Variants in PLCG2 observed in about 807,000 individuals in gnomAD.
PLCG2 encodes the protein 1-phosphatidylinositol 4,5-bisphosphate phosphodiesterase gamma-2.
A neutral mutation model predicts 175.6 loss-of-function variants in PLCG2; 69 were observed. The observed-to-expected ratio is 0.39, with a 90% confidence interval of 0.32 to 0.48. The LOEUF is 0.48. Among genes scored for constraint, PLCG2 ranks in the 20% least tolerant of loss-of-function variants. The probability of loss-of-function intolerance (pLI) is 0.91; values close to 1 mark genes in which losing one functional copy is unlikely to be tolerated. For synonymous variants in PLCG2, 827 were observed against 624.0 expected (o/e 1.33, Z -4.85); for missense variants, 1,798 against 1,650.9 (o/e 1.09, Z -1.54).
Position 81,740,846 on chromosome 16 carries a change from A to T in PLCG2, c.-145+1461A>T, listed in dbSNP as rs78456071. 3.3e-5 allele frequency among the ~76,000 whole-genome samples: 5 copies of T among 151,420 alleles called. No individual in the cohort carries two copies. In the East Asian group the frequency reaches 9.7e-4, roughly 29 times the overall value. ...GGGCTGTGGTCAGCATCCCTAGCAC[A>T]TGGGGCTTAAAAAGAATGAAACCAA... On this transcript the variant is annotated intron_variant, in intron 1 of 5. Transcript: ENST00000565054.
chr16:81,768,907 C>A (rs1270763522), intron 2 of PLCG2, among the ~76,000 whole-genome samples: 1 of 152,028 alleles, frequency 6.6e-6, no homozygotes, highest in African/African-American at 2.4e-5. Context: ...TTAATAGGTG[C>A]GTATTTTTTG....
rs200808320 is a variant in PLCG2, at chr16:81,913,816, GC to G, written c.2054+1105del. 4.4e-3 allele frequency among the ~76,000 whole-genome samples: 676 copies of G among 152,278 alleles called. 9 individuals are homozygous for G. The highest frequency in any genetic ancestry group is 0.039 in the Admixed American group (601 of 15,292). On this transcript the variant is annotated intron_variant, in intron 19 of 32. Coordinates refer to ENST00000564138, the MANE Select transcript of PLCG2 (RefSeq NM_002661.5). ...CATCCCCTGGTGACCCTGCCAGGCTGCCCCCTGGGCGTTTGGATTTCCCTTC... is the reference window on the plus strand; with the variant it reads ...CATCCCCTGGTGACCCTGCCAGGCTGCCCCTGGGCGTTTGGATTTCCCTTC...
chr16:81,779,106 C>G (rs2143140678), upstream of PLCG2, among the ~76,000 whole-genome samples: 1 of 152,330 alleles, frequency 6.6e-6, no homozygotes, highest in East Asian at 1.9e-4. Flanking sequence ...TTCTTTGGCA[C>G]GCAGAGGCGG....
intron 2 of PLCG2, among the ~76,000 whole-genome samples, chr16:81,816,638 C>T (rs951275032): frequency 7.1e-6 from 1 of 140,220 alleles, no homozygotes; most frequent in Non-Finnish European, 1.5e-5. Flanking sequence ...ACCACCATGC[C>T]CAGCTAATTT....
chr16:81,892,640 G>C (rs117081674), intron 11 of PLCG2, among the ~76,000 whole-genome samples: 4,218 of 145,192 alleles, frequency 0.029, 72 homozygotes, highest in Non-Finnish European at 0.045. Context: ...AGACAGTTAA[G>C]AAATACAAAC....
intron 31 of PLCG2, among the ~76,000 whole-genome samples, chr16:81,946,754 C>G (rs1911165923): frequency 6.6e-6 from 1 of 152,142 alleles, no homozygotes; most frequent in African/African-American, 2.4e-5. Context: ...GTACCTTTTT[C>G]CTCCTTTACG....
chr16:81,904,120 A>C (rs1329392694), intron 14 of PLCG2, among the ~76,000 whole-genome samples: 2 of 152,204 alleles, frequency 1.3e-5, no homozygotes, highest in African/African-American at 4.8e-5. Flanking sequence ...TTCAAGGCCA[A>C]GGTGGTCTGC....
At chr16:81,763,374 G>C (rs1910079591) in intron 2 of PLCG2, among the ~76,000 whole-genome samples, 1 of 152,260 alleles carries the variant, frequency 6.6e-6, no homozygotes, top group Non-Finnish European at 1.5e-5. Flanking sequence ...GGGTATTTGG[G>C]AGTGGCTGGG....
In PLCG2 at chr16:81,832,105, A is replaced by T. The variant is rs34826185; in HGVS notation, c.194-22339A>T. 4.7e-4 allele frequency among the ~76,000 whole-genome samples: 36 copies of T among 76,632 alleles called. No individual in the cohort carries two copies. The South Asian group carries it at 0.01, about 22-fold the overall frequency. 50.3% of individuals were successfully genotyped at this position (76,632 alleles called of 152,430 possible). On this transcript the variant is annotated intron_variant, in intron 2 of 32. Coordinates refer to ENST00000564138, the MANE Select transcript of PLCG2 (RefSeq NM_002661.5). ...CTCAGTCTTCTCCTTTGATAAATGG[A>T]GGGGGGGAATAGTGATATTGTGGCG...
intron 3 of PLCG2, chr16:81,857,890 G>T: frequency 5.1e-6 from 1 of 196,384 alleles, no homozygotes; most frequent in Non-Finnish European, 1.1e-5. Flanking sequence ...TTCCCTTGTG[G>T]GATCAATATA....
intron 13 of PLCG2, among the ~76,000 whole-genome samples, chr16:81,897,008 G>T (rs1399518741): frequency 6.6e-6 from 1 of 152,226 alleles, no homozygotes; most frequent in Non-Finnish European, 1.5e-5. Context: ...AATGTTTCAG[G>T]CTTTATGGGC....
intron 2 of PLCG2, among the ~76,000 whole-genome samples, chr16:81,790,980 T>C (rs1259455576): frequency 1.3e-5 from 2 of 152,210 alleles, no homozygotes; most frequent in Non-Finnish European, 2.9e-5. Context: ...TCTAGAGTCA[T>C]GTGTTTGCTT....
At chr16:81,831,544 C>T (rs146442518) in intron 2 of PLCG2, among the ~76,000 whole-genome samples, 1 of 152,188 alleles carries the variant, frequency 6.6e-6, no homozygotes, top group African/African-American at 2.4e-5. Context: ...AGTATTTGAA[C>T]CTCATCCAAC....
intron 5 of PLCG2, among the ~76,000 whole-genome samples, chr16:81,860,751 G>T (rs1906939119): frequency 2.0e-5 from 3 of 152,082 alleles, no homozygotes; most frequent in Admixed American, 6.6e-5. Flanking sequence ...CAGGCAGATT[G>T]CCTGAGCTCA....
chr16:81,893,448 G>A (rs1177563420), intron 11 of PLCG2, among the ~76,000 whole-genome samples: 1 of 152,136 alleles, frequency 6.6e-6, no homozygotes, highest in African/African-American at 2.4e-5. Flanking sequence ...AAAAGAACAC[G>A]TCCTCTCCAC....
chr16:81,898,417 T>C (rs1013961038), intron 13 of PLCG2: 1 of 152,510 alleles, frequency 6.6e-6, no homozygotes, highest in Non-Finnish European at 1.5e-5. Context: ...TTTTTAGCTG[T>C]TATGTTCTAG....
At chr16:81,917,274 G>T (rs919675924) in intron 19 of PLCG2, among the ~76,000 whole-genome samples, 17 of 137,794 alleles carry the variant, frequency 1.2e-4, no homozygotes, top group Non-Finnish European at 2.0e-4. Flanking sequence ...TTATGTAAAT[G>T]TACCACATTT....
In PLCG2 at chr16:81,912,590, G is replaced by A. The variant is rs1190359968; in HGVS notation, c.1935-7G>A. ...ACCTGGTCGTTTTCCCTGGCCCTGT[G>A]CCGCAGGTGGTACTATGACAGCCTG... On this transcript the variant is annotated splice_polypyrimidine_tract_variant and splice_region_variant and intron_variant, in intron 18 of 32. Transcript: ENST00000564138. 1.9e-6 allele frequency: 3 copies of A among 1,612,566 alleles called. No individual in the cohort carries two copies. Among genetic ancestry groups the A allele is most frequent in the East Asian group, 4.5e-5 (2 of 44,810 alleles).
At chr16:81,896,421 CACACAA>C (rs1908893444) in intron 13 of PLCG2, among the ~76,000 whole-genome samples, 1 of 102,526 alleles carries the variant, frequency 9.8e-6, no homozygotes, top group African/African-American at 3.5e-5. Context: ...CACACACACA[CACACAA>C]ATCATCTGGG....
Sources: allele counts gnomAD v4.1 joint callset (sites outside exome capture counted in the v4.1 genomes callset), GRCh38; gene constraint gnomAD v4.1.1; transcripts MANE v1.5; gene names NCBI Gene and HGNC (gene_info 2026-07-23, HGNC 2026-07-21).